DDX50: variants seen among roughly 807,000 people sequenced by gnomAD.
DDX50 encodes DExD-box helicase 50.
Under a neutral mutation model 94.8 loss-of-function variants are expected in DDX50, and 56 were observed. The observed-to-expected ratio is 0.59, with a 90% CI of 0.48 to 0.74. The LOEUF is 0.74. Ranked by LOEUF, DDX50 falls within the 30% of genes least tolerant of loss-of-function variation. DDX50 has a pLI of 0.00. For synonymous variants in DDX50, 264 were observed against 295.4 expected (o/e 0.89, Z 1.09); for missense variants, 713 against 881.2 (o/e 0.81, Z 2.42).
chr10:68,933,321 C>T lies in DDX50; in HGVS notation c.1240-878C>T, dbSNP rs546843582. 9.3e-4 allele frequency among the ~76,000 whole-genome samples: 141 copies of T among 152,160 alleles called. 1 individual carries two copies. Among genetic ancestry groups the T allele is most frequent in the African/African-American group, 3.3e-3 (136 of 41,534 alleles). On this transcript the variant is annotated intron_variant, in intron 8 of 14. Transcript: ENST00000373585. ...CTGACCTCGGGTGATCTGCCTGTCT[C>T]GGCCTCCCAGAGTGCTGGGATTACA... is the stretch of plus-strand genomic sequence containing the variant.
At chr10:68,913,722 G>C in intron 6 of DDX50, 146 bp downstream of exon 6, 1 of 765,250 alleles carries the variant, frequency 1.3e-6, no homozygotes, top group Non-Finnish European at 2.0e-6. Context: ...CCTTGAAAAA[G>C]AAAGTATGAT....
intron 8 of DDX50, among the ~76,000 whole-genome samples, chr10:68,927,174 A>G (rs754098675): frequency 3.9e-5 from 6 of 152,136 alleles, no homozygotes; most frequent in Admixed American, 1.3e-4. Flanking sequence ...GGCCTCCCAA[A>G]GTGCTGGGAT....
rs548057284 is a variant in DDX50 at position 68,946,201 on chromosome 10, T to A, written c.1936-151T>A. 6.4e-6 allele frequency: 6 copies of A among 931,744 alleles called. No homozygotes were observed. The African/African-American group carries it at 1.0e-4, about 15-fold the overall frequency. 57.7% of individuals were successfully genotyped at this position (931,744 alleles called of 1,614,324 possible). On this transcript the variant is annotated intron_variant, in intron 14 of 14. Coordinates refer to ENST00000373585, the MANE Select transcript of DDX50 (RefSeq NM_024045.2). ...CTCGAAAATTGAAAATATTTTTGCT[T>A]ATTTTCTGGTTTTCATTTTTGTTCC...
chr10:68,905,627 G>A (rs1841424087), intron 1 of DDX50, among the ~76,000 whole-genome samples: 1 of 152,188 alleles, frequency 6.6e-6, no homozygotes, highest in African/African-American at 2.4e-5. Flanking sequence ...AAATGGCAAA[G>A]GTGGCTGGGC....
chr10:68,944,427 T>TATTTTGAA (rs1259204091), intron 14 of DDX50, among the ~76,000 whole-genome samples: 4 of 152,216 alleles, frequency 2.6e-5, no homozygotes, highest in African/African-American at 9.6e-5. Flanking sequence ...CTTATATACC[T>TATTTTGAA]ACTTTGAAAC....
intron 8 of DDX50, among the ~76,000 whole-genome samples, chr10:68,929,574 C>T (rs1465261501): frequency 6.6e-6 from 1 of 151,640 alleles, no homozygotes. Flanking sequence ...TACAGGCGTG[C>T]ACCACCACAC....
In DDX50 at chr10:68,934,984, T is replaced by C. The variant is rs1198787333; in HGVS notation, c.1521+66T>C. On this transcript the variant is annotated intron_variant, in intron 10 of 14. Coordinates refer to ENST00000373585, the MANE Select transcript of DDX50 (RefSeq NM_024045.2). The surrounding 1 kb of genome is among the most constrained non-coding windows in gnomAD (Gnocchi z 4.0). ...GTGCCTTAAAAGAGAGCTCTTCTTA[T>C]ATTTATTCTTACAAGTAGGTCTTCA... 6.6e-7 allele frequency: 1 copy of C among 1,513,946 alleles called. No individual in the cohort carries two copies. The highest frequency in any genetic ancestry group is 1.4e-5 in the African/African-American group (1 of 70,766). The allele number at this position is 1,513,946 out of a possible 1,614,324, so 93.8% of individuals were successfully genotyped here. A position where few individuals can be genotyped will look rare whatever the true frequency, so the allele number is the denominator to read the frequency against.
intron 12 of DDX50, among the ~76,000 whole-genome samples, chr10:68,939,265 C>T (rs745476728): frequency 6.6e-6 from 1 of 152,090 alleles, no homozygotes; most frequent in Non-Finnish European, 1.5e-5. Context: ...AGTAACCCAC[C>T]AAATGCTTAA....
intron 12 of DDX50, among the ~76,000 whole-genome samples, chr10:68,937,306 A>G (rs1842446757): frequency 6.6e-6 from 1 of 152,190 alleles, no homozygotes; most frequent in African/African-American, 2.4e-5. Context: ...AACTGAAAGA[A>G]TAATGCAGTA....
In DDX50 at chr10:68,941,261, A is replaced by G. The variant is rs774909020; in HGVS notation, c.1890+67A>G. ...CCCCAAATGTTTACAAACACTAGCA[A>G]ATTTTGTTCTTTCTCTTTGAAGCCT... On this transcript the variant is annotated intron_variant, in intron 13 of 14. Coordinates refer to ENST00000373585, the MANE Select transcript of DDX50 (RefSeq NM_024045.2). 92 of 1,576,680 alleles carry G rather than the reference A, an allele frequency of 5.8e-5. 1 individual carries two copies. Among genetic ancestry groups the G allele is most frequent in the Non-Finnish European group, 7.6e-5 (89 of 1,165,904 alleles).
In DDX50 at chr10:68,906,746, GGAT is replaced by G. The variant is rs1260831148; in HGVS notation, c.126_128del (p.Asp42del). On this transcript the variant is annotated inframe_deletion, in exon 2 of 15. Coordinates refer to ENST00000373585, the MANE Select transcript of DDX50 (RefSeq NM_024045.2). ...GGAAGTCAAGGCACCATTATGACTC[GGAT>G]GAGAAATCAGAAACAAGAGAAAATG... The G allele has an allele frequency of 1.2e-6, 2 of 1,611,850 alleles. No individual in the cohort carries two copies. The highest frequency in any genetic ancestry group is 2.7e-5 in the African/African-American group (2 of 74,698).
chr10:68,943,711 C>A (rs1208997542), intron 14 of DDX50, among the ~76,000 whole-genome samples: 4 of 152,052 alleles, frequency 2.6e-5, no homozygotes, highest in Admixed American at 2.6e-4. Context: ...GGATTACAGG[C>A]GTGAGCCACC....
intron 8 of DDX50, among the ~76,000 whole-genome samples, chr10:68,931,382 T>TAAAAAAA (rs530913846): frequency 4.0e-5 from 4 of 100,342 alleles, no homozygotes; most frequent in African/African-American, 1.7e-4. Context: ...GACGGATCAT[T>TAAAAAAA]AAAAAAAAAA....
At chr10:68,942,081 C>T (rs945885728) in intron 13 of DDX50, among the ~76,000 whole-genome samples, 7 of 152,214 alleles carry the variant, frequency 4.6e-5, no homozygotes, top group African/African-American at 1.7e-4. Context: ...AGCCACTGCA[C>T]CTGGCATGTG....
At chr10:68,921,215 T>C (rs1841931595) in intron 8 of DDX50, among the ~76,000 whole-genome samples, 1 of 152,088 alleles carries the variant, frequency 6.6e-6, no homozygotes, top group Admixed American at 6.6e-5. Flanking sequence ...TTATCACATC[T>C]AAAAAATTAA....
At position 68,923,111 on chromosome 10, in the gene DDX50, TA is replaced by T. The variant is rs71474455; in HGVS notation, c.1239+3151del. On this transcript the variant is annotated intron_variant, in intron 8 of 14. Coordinates refer to ENST00000373585, the MANE Select transcript of DDX50 (RefSeq NM_024045.2). ...CCTGGCTGAGTATGACCCTTTCTCT[TA>T]AAAAAAAAAAAAAAAAAAAATTCTG... Among the ~76,000 whole-genome samples, 536 of 114,418 alleles carry T rather than the reference TA, an allele frequency of 4.7e-3. 4 individuals are homozygous for T. The highest frequency in any genetic ancestry group is 0.011 in the African/African-American group (333 of 29,082). The allele number at this position is 114,418 out of a possible 152,430, so 75.1% of individuals were successfully genotyped here.
chr10:68,916,416 T>G (rs186267662), intron 7 of DDX50, among the ~76,000 whole-genome samples: 3 of 152,098 alleles, frequency 2.0e-5, no homozygotes, highest in African/African-American at 7.2e-5. Flanking sequence ...TTGAAAGTTT[T>G]GCAGTAAGAA....
chr10:68,929,293 C>CTTCCTTCCTTCCTT (rs374759643), intron 8 of DDX50, among the ~76,000 whole-genome samples: 2 of 120,020 alleles, frequency 1.7e-5, no homozygotes, highest in Non-Finnish European at 3.7e-5. Context: ...TCCTTCCTTC[C>CTTCCTTCCTTCCTT]TCTCTCTCTC....
chr10:68,921,975 C>T (rs538780226), intron 8 of DDX50, among the ~76,000 whole-genome samples: 10 of 152,114 alleles, frequency 6.6e-5, no homozygotes, highest in South Asian at 4.2e-4. Context: ...TTTCTGGGTA[C>T]GCAGTGTACA....
Sources: allele counts gnomAD v4.1 joint callset (sites outside exome capture counted in the v4.1 genomes callset), GRCh38; gene constraint gnomAD v4.1.1; non-coding constraint Gnocchi (gnomAD v3.1); transcripts MANE v1.5; gene names NCBI Gene and HGNC (gene_info 2026-07-23, HGNC 2026-07-21).